Variants in JAZF1 observed in about 807,000 individuals in gnomAD.
The protein encoded by JAZF1 is JAZF zinc finger 1.
A neutral mutation model predicts 26.4 loss-of-function variants in JAZF1; 8 were observed. The ratio of observed to expected loss-of-function variants is 0.30; its 90% CI spans 0.18 to 0.55. The LOEUF (loss-of-function observed/expected upper bound fraction) is 0.55, where lower values mean the gene tolerates loss of function less well. JAZF1 is among the 20% of genes least tolerant of loss of function. The pLI is 0.94. For missense variants in JAZF1, 199 were observed against 322.0 expected, an observed-to-expected ratio of 0.62 and a Z score of 2.92; for synonymous variants, 126 against 122.3, an observed-to-expected ratio of 1.03 and a Z score of -0.20.
chr7:28,043,863 A>G (rs1783448068), intron 1 of JAZF1, among the ~76,000 whole-genome samples: 1 of 152,202 alleles, frequency 6.6e-6, no homozygotes, highest in African/African-American at 2.4e-5. Flanking sequence ...CATTATGTTA[A>G]GTGAAAGAAA....
intron 1 of JAZF1, among the ~76,000 whole-genome samples, chr7:28,097,604 G>C (rs1784405596): frequency 6.6e-6 from 1 of 152,178 alleles, no homozygotes; most frequent in South Asian, 2.1e-4. Flanking sequence ...GCAAGAAATG[G>C]GAGAGCTGAA....
At chr7:28,071,817 G>A (rs1783982790) in intron 1 of JAZF1, 6 of 320,842 alleles carry the variant, frequency 1.9e-5, no homozygotes, top group Admixed American at 9.3e-5. Flanking sequence ...ATTACTGCTC[G>A]GGTTCAGGAG....
intron 2 of JAZF1, chr7:27,913,389 TA>T: frequency 2.2e-6 from 1 of 460,188 alleles, no homozygotes; most frequent in Non-Finnish European, 4.5e-6. Context: ...CAGAAGGCCA[TA>T]CCTTTTGGAC....
chr7:28,176,465 A>C (rs1390898987), intron 1 of JAZF1, among the ~76,000 whole-genome samples: 1 of 152,090 alleles, frequency 6.6e-6, no homozygotes, highest in African/African-American at 2.4e-5. Context: ...GCCCACCCTG[A>C]CCAATCTATT....
chr7:27,854,398 T>G (rs561708985), intron 3 of JAZF1, among the ~76,000 whole-genome samples: 1 of 152,386 alleles, frequency 6.6e-6, no homozygotes, highest in East Asian at 1.9e-4. Context: ...TGTATGAATT[T>G]GATCCTGTCA....
At position 28,174,686 on chromosome 7, in the gene JAZF1, T is replaced by C. The variant is rs896657509; in HGVS notation, c.115+5777A>G. ...ACTTATGAGACAGGATGTTCAACAGTGATGTTTTATAAAGGATGATCTGAC... is the reference window on the plus strand; with the variant it reads ...ACTTATGAGACAGGATGTTCAACAGCGATGTTTTATAAAGGATGATCTGAC... On this transcript the variant is annotated intron_variant, in intron 1 of 4. Coordinates refer to ENST00000283928, the MANE Select transcript of JAZF1 (RefSeq NM_175061.4). 4.3e-4 allele frequency among the ~76,000 whole-genome samples: 29 copies of C among 67,058 alleles called. 2 individuals carry two copies. The highest frequency in any genetic ancestry group is 8.6e-4 in the African/African-American group (27 of 31,452). The allele number at this position is 67,058 out of a possible 152,430, so 44.0% of individuals were successfully genotyped here.
At chr7:28,159,908 C>T (rs1481717658) in intron 1 of JAZF1, among the ~76,000 whole-genome samples, 1 of 152,100 alleles carries the variant, frequency 6.6e-6, no homozygotes, top group Non-Finnish European at 1.5e-5. Context: ...TAAGCGAAAC[C>T]ATAATTACGA....
At chr7:27,904,628 G>C (rs1338649410) in intron 2 of JAZF1, among the ~76,000 whole-genome samples, 1 of 150,620 alleles carries the variant, frequency 6.6e-6, no homozygotes, top group Non-Finnish European at 1.5e-5. Context: ...GAGGCCCACG[G>C]GGTGGATTTT....
intron 2 of JAZF1, among the ~76,000 whole-genome samples, chr7:27,912,025 T>C (rs1327313130): frequency 6.6e-6 from 1 of 152,248 alleles, no homozygotes; most frequent in Non-Finnish European, 1.5e-5. Flanking sequence ...CTCAAAGGCA[T>C]AGCATTTATA....
At chr7:27,907,826 C>T (rs1301490960) in intron 2 of JAZF1, among the ~76,000 whole-genome samples, 1 of 152,160 alleles carries the variant, frequency 6.6e-6, no homozygotes, top group Non-Finnish European at 1.5e-5. Context: ...CTGCCCAAGA[C>T]GGCCACACGA....
At chr7:28,157,759 A>C (rs978855138) in intron 1 of JAZF1, among the ~76,000 whole-genome samples, 24 of 152,174 alleles carry the variant, frequency 1.6e-4, no homozygotes, top group African/African-American at 5.8e-4. Flanking sequence ...GTCCCTGTTA[A>C]TGAAGCTTAG....
At chr7:27,913,619 C>G (rs1321563556) in intron 2 of JAZF1, among the ~76,000 whole-genome samples, 1 of 152,178 alleles carries the variant, frequency 6.6e-6, no homozygotes, top group African/African-American at 2.4e-5. Context: ...CTCTTACCCT[C>G]TATTCCTTGA....
chr7:27,904,424 A>T (rs1583456584), intron 2 of JAZF1, among the ~76,000 whole-genome samples: 12 of 152,358 alleles, frequency 7.9e-5, no homozygotes, highest in Middle Eastern at 3.4e-3. Context: ...CAAGTGGAGT[A>T]ATCATTTGTC....
At chr7:28,176,676 T>C (rs115377449) in intron 1 of JAZF1, among the ~76,000 whole-genome samples, 2,739 of 152,304 alleles carry the variant, frequency 0.018, 81 homozygotes, top group African/African-American at 0.062. Flanking sequence ...GCTCATAACT[T>C]TGCCTGGCAT....
At chr7:27,883,700 CTT>C (rs1229809642) in intron 3 of JAZF1, among the ~76,000 whole-genome samples, 2 of 152,202 alleles carry the variant, frequency 1.3e-5, no homozygotes, top group East Asian at 1.9e-4. Context: ...AAACAAAACA[CTT>C]TGGGTATTGG....
chr7:27,873,323 G>T (rs778796993), intron 3 of JAZF1, among the ~76,000 whole-genome samples: 12 of 152,052 alleles, frequency 7.9e-5, no homozygotes, highest in Non-Finnish European at 1.6e-4. Context: ...AATCCATATC[G>T]CTCTTCTTTG....
At chr7:28,022,583 A>G (rs540636954) in intron 1 of JAZF1, among the ~76,000 whole-genome samples, 2 of 152,356 alleles carry the variant, frequency 1.3e-5, no homozygotes, top group Non-Finnish European at 2.9e-5. Flanking sequence ...AAAATTATAA[A>G]AAACAAGTTA....
chr7:27,908,241 C>T (rs1784296884), intron 2 of JAZF1, among the ~76,000 whole-genome samples: 1 of 152,306 alleles, frequency 6.6e-6, no homozygotes, highest in Non-Finnish European at 1.5e-5. Context: ...TGTTTATACA[C>T]AGAATAGCAG....
At chr7:28,009,031 A>C (rs1449189729) in intron 1 of JAZF1, among the ~76,000 whole-genome samples, 1 of 152,224 alleles carries the variant, frequency 6.6e-6, no homozygotes, top group Non-Finnish European at 1.5e-5. Context: ...AAGACATCAG[A>C]TTCCTCAGAG....
Sources: gnomAD v4.1 joint callset for allele counts (sites outside exome capture counted in the v4.1 genomes callset) on GRCh38, gnomAD v4.1.1 for gene constraint, MANE v1.5 for transcripts, NCBI Gene and HGNC (gene_info 2026-07-23, HGNC 2026-07-21) for gene names.